PANX1: variants seen among roughly 807,000 people sequenced by gnomAD.
PANX1 encodes the protein pannexin-1.
A neutral mutation model predicts 38.7 loss-of-function variants in PANX1; 30 were observed. That is an observed-to-expected ratio of 0.78 (90% CI 0.58 to 1.05). PANX1 has a LOEUF of 1.05. Ranked by LOEUF, PANX1 falls within the 50% of genes least tolerant of loss-of-function variation. PANX1 has a pLI of 0.00. For synonymous variants in PANX1, 230 were observed against 212.2 expected (o/e 1.08, Z -0.73); for missense variants, 551 against 517.2 (o/e 1.07, Z -0.63).
intron 2 of PANX1, chr11:94,175,813 G>C (rs1947225875): frequency 4.1e-6 from 4 of 984,698 alleles, no homozygotes; most frequent in South Asian, 4.7e-5. Context: ...TTGTGTAGCA[G>C]CCCTTTGCAA....
chr11:94,175,997 T>C, intron 2 of PANX1: 1 of 562,914 alleles, frequency 1.8e-6, no homozygotes, highest in Non-Finnish European at 2.2e-6. Context: ...GCCTGCAAAC[T>C]AGGATAGGAA....
chr11:94,170,420 C>T (rs1410506506), intron 2 of PANX1, among the ~76,000 whole-genome samples: 2 of 151,780 alleles, frequency 1.3e-5, no homozygotes, highest in African/African-American at 4.9e-5. Flanking sequence ...GAATAACATC[C>T]CATTGTAAAT....
intron 2 of PANX1, among the ~76,000 whole-genome samples, chr11:94,177,545 A>G (rs1947248104): frequency 1.3e-5 from 2 of 152,186 alleles, no homozygotes; most frequent in South Asian, 2.1e-4. Flanking sequence ...CTGAGCTTCA[A>G]TTCAGATCTG....
intron 1 of PANX1, among the ~76,000 whole-genome samples, chr11:94,139,460 G>T (rs1946735686): frequency 6.6e-6 from 1 of 152,210 alleles, no homozygotes. Context: ...AAATATTGTA[G>T]TTATGAGGAA....
At chr11:94,150,088 A>G (rs1159001155) in intron 1 of PANX1, among the ~76,000 whole-genome samples, 2 of 152,196 alleles carry the variant, frequency 1.3e-5, no homozygotes, top group Non-Finnish European at 2.9e-5. Flanking sequence ...GGTGATGCCT[A>G]AGCAGAGCTT....
intron 2 of PANX1, among the ~76,000 whole-genome samples, chr11:94,157,134 A>G (rs1946959551): frequency 6.6e-6 from 1 of 152,040 alleles, no homozygotes; most frequent in Admixed American, 6.6e-5. Context: ...TCATTGTTGG[A>G]CATTTGGGTT....
intron 2 of PANX1, among the ~76,000 whole-genome samples, chr11:94,177,054 A>G (rs2134524242): frequency 6.6e-6 from 1 of 151,820 alleles, no homozygotes; most frequent in South Asian, 2.1e-4. Flanking sequence ...TTTAATCTTC[A>G]TGACACCTCT....
intron 1 of PANX1, among the ~76,000 whole-genome samples, chr11:94,145,211 C>T (rs1045255978): frequency 3.3e-5 from 5 of 152,184 alleles, no homozygotes; most frequent in Admixed American, 3.3e-4. Context: ...TGTGTTCCAT[C>T]TTAGAAATGC....
At chr11:94,153,275 T>G (rs1467885820) in intron 1 of PANX1, among the ~76,000 whole-genome samples, 1 of 152,206 alleles carries the variant, frequency 6.6e-6, no homozygotes, top group African/African-American at 2.4e-5. Flanking sequence ...TTTCCCCAAC[T>G]GAGGCCAAGC....
chr11:94,143,168 C>T (rs770348081), intron 1 of PANX1, among the ~76,000 whole-genome samples: 6 of 152,260 alleles, frequency 3.9e-5, no homozygotes, highest in African/African-American at 9.6e-5. Context: ...GTTTCTTTGT[C>T]GCAAGAACTA....
chr11:94,144,532 A>G (rs181770093), intron 1 of PANX1, among the ~76,000 whole-genome samples: 1 of 151,698 alleles, frequency 6.6e-6, no homozygotes, highest in Admixed American at 6.6e-5. Flanking sequence ...GGGTTCTCAC[A>G]CTCCAGCCAT....
At chr11:94,143,462 A>G (rs1485979072) in intron 1 of PANX1, among the ~76,000 whole-genome samples, 1 of 152,236 alleles carries the variant, frequency 6.6e-6, no homozygotes. Context: ...TGCCTGACAA[A>G]GAAATAAAAA....
chr11:94,165,269 C>T (rs1334741152), intron 2 of PANX1, among the ~76,000 whole-genome samples: 2 of 149,852 alleles, frequency 1.3e-5, no homozygotes, highest in East Asian at 3.9e-4. Flanking sequence ...TCTCTGTCTT[C>T]CTTTGTGTAT....
intron 1 of PANX1, among the ~76,000 whole-genome samples, chr11:94,131,777 T>C (rs1946632258): frequency 6.6e-6 from 1 of 152,140 alleles, no homozygotes; most frequent in Non-Finnish European, 1.5e-5. Context: ...GATTAATACA[T>C]GGAGTTGGTA....
At chr11:94,180,368 C>T (rs1947291855) in intron 4 of PANX1, 111 bp downstream of exon 4, 3 of 946,274 alleles carry the variant, frequency 3.2e-6, no homozygotes, top group Non-Finnish European at 4.7e-6. Context: ...CATTTCCAAG[C>T]ATTAAAAACC....
intron 2 of PANX1, among the ~76,000 whole-genome samples, chr11:94,177,637 G>GTTTATTTTTTTATTTTCCTTCT (rs1555077296): frequency 1.2e-4 from 18 of 152,056 alleles, no homozygotes; most frequent in Admixed American, 2.0e-4. Flanking sequence ...TGGTTACTGG[G>GTTTATTTTTTTATTTTCCTTCT]GTGCTCCTCA....
At chr11:94,164,774 C>T (rs1049752436) in intron 2 of PANX1, among the ~76,000 whole-genome samples, 3 of 152,102 alleles carry the variant, frequency 2.0e-5, no homozygotes, top group South Asian at 2.1e-4. Flanking sequence ...GAAAGTCGGG[C>T]GTGAAGTTCC....
At chr11:94,155,523 A>C (rs1946939994) in intron 2 of PANX1, among the ~76,000 whole-genome samples, 1 of 152,072 alleles carries the variant, frequency 6.6e-6, no homozygotes, top group South Asian at 2.1e-4. Context: ...AATAATAATA[A>C]TAAAATAAAT....
rs746206853 is a variant in PANX1 at position 94,178,571 on chromosome 11, T to A, written c.524T>A (p.Val175Asp). 1 of 1,613,550 alleles carries A rather than the reference T, an allele frequency of 6.2e-7. No homozygotes were observed. The highest frequency in any genetic ancestry group is 1.3e-5 in the African/African-American group (1 of 74,866). Residue 175 changes from valine to aspartate, a missense_variant, in exon 3 of 5, where the codon GTT (valine) becomes GAT (aspartate). Physicochemically the swap from Val to Asp is radical, Grantham distance 152. Transcript: ENST00000227638. ...GATGGAGCCTGCTCAGTTCCAGGTGTTACCGAGAACTTAGGGCAAAGGTAA... is the reference window on the plus strand; with the variant it reads ...GATGGAGCCTGCTCAGTTCCAGGTGATACCGAGAACTTAGGGCAAAGGTAA... ...MRDGACSVPG[V>D]TENLGQSLWE... is the part of the protein sequence containing the mutation.
Sources: allele counts gnomAD v4.1 joint callset (sites outside exome capture counted in the v4.1 genomes callset), GRCh38; gene constraint gnomAD v4.1.1; transcripts MANE v1.5; gene names NCBI Gene and HGNC (gene_info 2026-07-23, HGNC 2026-07-21).